The following ZC2HC1A variants were observed in gnomAD, a reference collection of about 807,000 sequenced individuals.
ZC2HC1A encodes the protein zinc finger C2HC-type containing 1A.
In ZC2HC1A, 28 loss-of-function variants were observed where a neutral mutation model predicts 40.7. That is an observed-to-expected ratio of 0.69 (90% CI 0.51 to 0.94). The LOEUF is 0.94. Among genes scored for constraint, ZC2HC1A ranks in the 40% least tolerant of loss-of-function variants. The probability of loss-of-function intolerance (pLI) is 0.00; values close to 1 mark genes in which losing one functional copy is unlikely to be tolerated. For missense variants in ZC2HC1A, 389 were observed against 386.3 expected, an observed-to-expected ratio of 1.01 and a Z score of -0.06; for synonymous variants, 129 against 129.2, an observed-to-expected ratio of 1.00 and a Z score of 0.01.
In ZC2HC1A at chr8:78,694,298, T is replaced by G. The variant is rs1810325167; in HGVS notation, c.505-3109T>G. On this transcript the variant is annotated intron_variant, in intron 5 of 8. Coordinates refer to ENST00000263849, the MANE Select transcript of ZC2HC1A (RefSeq NM_016010.3). ...GGATATGTTCCTTGTTTTTTTTTTT[T>G]TCTCATTCAGTTTCCTTATATCCTT... Among the ~76,000 whole-genome samples the G allele has an allele frequency of 5.3e-5, 8 of 151,200 alleles. No individual in the cohort carries two copies. The South Asian group carries it at 1.7e-3, about 32-fold the overall frequency.
chr8:78,675,753 T>C (rs745444967), intron 1 of ZC2HC1A, 34 bp from the exon 2 acceptor site: 10 of 1,521,478 alleles, frequency 6.6e-6, no homozygotes, highest in Non-Finnish European at 8.1e-6. Context: ...TTTCAAGTTA[T>C]ATAAATTATT....
At chr8:78,716,708 A>G (rs1811116116) in intron 8 of ZC2HC1A, among the ~76,000 whole-genome samples, 1 of 152,110 alleles carries the variant, frequency 6.6e-6, no homozygotes, top group Non-Finnish European at 1.5e-5. Flanking sequence ...GAACAGATGG[A>G]AAGCGATGTG....
Position 78,686,465 on chromosome 8 carries a change from A to T in ZC2HC1A, c.211-2A>T. 1 of 1,340,586 alleles carries T rather than the reference A, an allele frequency of 7.5e-7. No individual in the cohort carries two copies. The highest frequency in any genetic ancestry group is 9.8e-7 in the Non-Finnish European group (1 of 1,016,422). The allele number at this position is 1,340,586 out of a possible 1,614,324, so 83.0% of individuals were successfully genotyped here. Reference sequence around the variant, plus strand: ...TTTATTTATTTATTTATTTATTTATAGCCAGAACCACCAAAGAAACCATCT... The same window carrying T: ...TTTATTTATTTATTTATTTATTTATTGCCAGAACCACCAAAGAAACCATCT... On this transcript the variant is annotated splice_acceptor_variant, in intron 3 of 8. Transcript: ENST00000263849. LOFTEE classifies it high-confidence loss of function.
intron 8 of ZC2HC1A, 124 bp from the exon 9 acceptor site, chr8:78,717,204 A>T: frequency 2.4e-6 from 2 of 826,440 alleles, no homozygotes; most frequent in Non-Finnish European, 3.5e-6. Context: ...AATTTGAACT[A>T]GAGGAATATT....
chr8:78,677,883 G>C (rs1809633736), intron 2 of ZC2HC1A, among the ~76,000 whole-genome samples: 1 of 152,174 alleles, frequency 6.6e-6, no homozygotes, highest in Non-Finnish European at 1.5e-5. Flanking sequence ...AGCCCTGAAG[G>C]CTGCTGGTTG....
chr8:78,715,437 T>A, intron 8 of ZC2HC1A, 109 bp downstream of exon 8: 2 of 1,020,490 alleles, frequency 2.0e-6, no homozygotes, highest in Non-Finnish European at 2.7e-6. Flanking sequence ...AAAACCTGAT[T>A]TTTTTCTTTT....
chr8:78,715,425 A>G (rs547542038), intron 8 of ZC2HC1A, 97 bp downstream of exon 8: 250 of 1,139,656 alleles, frequency 2.2e-4, no homozygotes, highest in Non-Finnish European at 2.9e-4. Context: ...AGCTATTTAT[A>G]GAAAACCTGA....
chr8:78,686,588 C>T lies in ZC2HC1A; in HGVS notation c.332C>T (p.Pro111Leu). 5.9e-6 allele frequency: 9 copies of T among 1,526,358 alleles called. No homozygotes were observed. Among genetic ancestry groups the T allele is most frequent in the African/African-American group, 1.4e-5 (1 of 70,896 alleles). The allele number at this position is 1,526,358 out of a possible 1,614,324, so 94.6% of individuals were successfully genotyped here. A position where few individuals can be genotyped will look rare whatever the true frequency, so the allele number is the denominator to read the frequency against. ...GAGGGTGGCAAACTTCCTCCTCCTC[C>T]TCCACCTTCTTATGATCCTGGTATT... ...LKEGGKLPPPPPPSYDPDYIQ... is the reference protein window; with the variant it reads ...LKEGGKLPPPLPPSYDPDYIQ... Residue 111 changes from proline to leucine, a missense_variant, in exon 4 of 9, where the codon CCT becomes CTT. Physicochemically the swap from Pro to Leu is moderately conservative, Grantham distance 98. Coordinates refer to ENST00000263849, the MANE Select transcript of ZC2HC1A (RefSeq NM_016010.3).
chr8:78,692,821 T>C (rs1810253886), intron 5 of ZC2HC1A, among the ~76,000 whole-genome samples: 1 of 152,150 alleles, frequency 6.6e-6, no homozygotes, highest in Admixed American at 6.5e-5. Context: ...CATGTTGGTG[T>C]GCTGCACCCA....
At chr8:78,693,829 T>C (rs1481687172) in intron 5 of ZC2HC1A, among the ~76,000 whole-genome samples, 1 of 152,356 alleles carries the variant, frequency 6.6e-6, no homozygotes, top group East Asian at 1.9e-4. Flanking sequence ...CTGAATGGTA[T>C]TGCCTAGGTT....
chr8:78,668,894 A>G (rs1484115377), intron 1 of ZC2HC1A, among the ~76,000 whole-genome samples: 1 of 152,106 alleles, frequency 6.6e-6, no homozygotes, highest in Non-Finnish European at 1.5e-5. Flanking sequence ...TATATACAGT[A>G]TTGTCATTCC....
intron 1 of ZC2HC1A, among the ~76,000 whole-genome samples, chr8:78,666,950 A>G (rs1809317256): frequency 6.6e-6 from 1 of 152,240 alleles, no homozygotes; most frequent in Non-Finnish European, 1.5e-5. Flanking sequence ...AACCACAATA[A>G]CTAGCATTGG....
At position 78,692,839 on chromosome 8, in the gene ZC2HC1A, G is replaced by A. The variant is rs750833418; in HGVS notation, c.504+3466G>A. On this transcript the variant is annotated intron_variant, in intron 5 of 8. Coordinates refer to ENST00000263849, the MANE Select transcript of ZC2HC1A (RefSeq NM_016010.3). The stretch of plus-strand genomic sequence containing the variant: ...GTTGGTGTGCTGCACCCATTAACTC[G>A]TCATTTACATGGAGTATATCTCCTA... Among the ~76,000 whole-genome samples the A allele has an allele frequency of 1.1e-4, 17 of 151,964 alleles. No individual in the cohort carries two copies. In the East Asian group the frequency reaches 1.9e-3, roughly 17 times the overall value.
At chr8:78,673,257 A>G (rs912746821) in intron 1 of ZC2HC1A, among the ~76,000 whole-genome samples, 2 of 152,028 alleles carry the variant, frequency 1.3e-5, no homozygotes, top group Admixed American at 6.6e-5. Flanking sequence ...ATTCTTTTTT[A>G]TGGCTGCATA....
intron 4 of ZC2HC1A, among the ~76,000 whole-genome samples, chr8:78,688,637 GA>G (rs1810104125): frequency 6.6e-6 from 1 of 152,042 alleles, no homozygotes; most frequent in Non-Finnish European, 1.5e-5. Context: ...TGCATTTTGG[GA>G]AGATATTTTA....
intron 8 of ZC2HC1A, among the ~76,000 whole-genome samples, 172 bp from the exon 9 acceptor site, chr8:78,717,155 AT>A (rs1006923949): frequency 4.4e-4 from 67 of 152,294 alleles, no homozygotes; most frequent in Admixed American, 1.6e-3. Context: ...TTAAAAAAAA[AT>A]GTTAGAATTT....
intron 7 of ZC2HC1A, among the ~76,000 whole-genome samples, chr8:78,708,957 C>T (rs11986947): frequency 0.69 from 104,195 of 151,980 alleles, 36,553 homozygotes; most frequent in East Asian, 0.91. Context: ...TGAGCCACCA[C>T]GCCCGGCCAA....
chr8:78,718,330 A>T lies in ZC2HC1A; in HGVS notation c.*837A>T, dbSNP rs1366054442. 3 of 151,896 alleles carry T rather than the reference A, an allele frequency of 2.0e-5. No individual in the cohort carries two copies. In the East Asian group the frequency reaches 5.8e-4, roughly 29 times the overall value. The allele number at this position is 151,896 out of a possible 1,614,324, so 9.4% of individuals were successfully genotyped here. A position where few individuals can be genotyped will look rare whatever the true frequency, so the allele number is the denominator to read the frequency against. On this transcript the variant is annotated 3_prime_UTR_variant, in exon 9 of 9. Transcript: ENST00000263849. ...CTGTATTTGAAAATGTAATTATTTAATATAGAAGGCACAGAATTCCCTGCA... is the reference window on the plus strand; with the variant it reads ...CTGTATTTGAAAATGTAATTATTTATTATAGAAGGCACAGAATTCCCTGCA...
Position 78,686,556 on chromosome 8 carries a change from C to G in ZC2HC1A, c.300C>G (p.Ala100=), listed in dbSNP as rs748293089. 63 of 1,535,740 alleles carry G rather than the reference C, an allele frequency of 4.1e-5. No individual in the cohort carries two copies. Among genetic ancestry groups the G allele is most frequent in the Non-Finnish European group, 5.2e-5 (59 of 1,140,202 alleles). The change falls in exon 4 of 9, where the codon GCC becomes GCG. Residue 100 remains alanine (A), a synonymous_variant. Transcript: ENST00000263849. ...GAGCAGCTAAAGGCCTTGATCAGGCCCTCAAAGAGGGTGGCAAACTTCCTC... is the reference window on the plus strand; with the variant it reads ...GAGCAGCTAAAGGCCTTGATCAGGCGCTCAAAGAGGGTGGCAAACTTCCTC... ...TIRAAKGLDQ[A]LKEGGKLPPP... is the part of the protein sequence containing the mutation.
Sources: gnomAD v4.1 joint callset for allele counts (sites outside exome capture counted in the v4.1 genomes callset) on GRCh38, gnomAD v4.1.1 for gene constraint, MANE v1.5 for transcripts, NCBI Gene and HGNC (gene_info 2026-07-23, HGNC 2026-07-21) for gene names.